Variants in SLC30A8 observed in about 807,000 individuals in gnomAD.
SLC30A8 encodes the protein proton-coupled zinc antiporter SLC30A8.
A neutral mutation model predicts 36.9 loss-of-function variants in SLC30A8; 27 were observed. The observed-to-expected ratio is 0.73, with a 90% CI of 0.54 to 1.01. SLC30A8 has a LOEUF of 1.01. SLC30A8 is among the 50% of genes least tolerant of loss of function. SLC30A8 has a pLI of 0.00. For synonymous variants in SLC30A8, 164 were observed against 172.4 expected, an observed-to-expected ratio of 0.95 and a Z score of 0.38; for missense variants, 439 against 452.0, an observed-to-expected ratio of 0.97 and a Z score of 0.26.
At chr8:116,980,764 CT>C (rs1219984039) in intron 1 of SLC30A8, among the ~76,000 whole-genome samples, 2 of 152,178 alleles carry the variant, frequency 1.3e-5, no homozygotes, top group Non-Finnish European at 2.9e-5. Flanking sequence ...CTACCATCAC[CT>C]TTAGGTGATT....
chr8:117,154,338 T>G (rs950408467), intron 3 of SLC30A8, among the ~76,000 whole-genome samples: 9 of 152,192 alleles, frequency 5.9e-5, no homozygotes, highest in Admixed American at 2.6e-4. Context: ...CTGAATATTT[T>G]GTGCAAATCA....
intron 1 of SLC30A8, among the ~76,000 whole-genome samples, chr8:117,012,464 A>G (rs778433906): frequency 1.9e-4 from 29 of 152,128 alleles, no homozygotes; most frequent in African/African-American, 6.7e-4. Flanking sequence ...TTGTCATGTC[A>G]TTATTACCCA....
At chr8:117,021,884 A>G (rs1816705786) in intron 1 of SLC30A8, among the ~76,000 whole-genome samples, 1 of 152,174 alleles carries the variant, frequency 6.6e-6, no homozygotes, top group African/African-American at 2.4e-5. Flanking sequence ...TTATGACGGA[A>G]GGGCTGCTGC....
chr8:117,046,898 A>G, intron 2 of SLC30A8, among the ~76,000 whole-genome samples: 1 of 152,212 alleles, frequency 6.6e-6, no homozygotes, highest in East Asian at 1.9e-4. Context: ...TAACTATCTC[A>G]GCCTCTCCTT....
chr8:117,094,793 T>C (rs1819287692), intron 2 of SLC30A8, among the ~76,000 whole-genome samples: 1 of 152,202 alleles, frequency 6.6e-6, no homozygotes, highest in African/African-American at 2.4e-5. Flanking sequence ...GTCCAGGCTG[T>C]TCATGCCATG....
chr8:117,157,373 G>A (rs557688851), intron 3 of SLC30A8, among the ~76,000 whole-genome samples: 128 of 152,220 alleles, frequency 8.4e-4, no homozygotes, highest in African/African-American at 2.9e-3. Context: ...AATCATTTTA[G>A]CACCTGTTTA....
chr8:117,027,723 A>G (rs1469321267), intron 1 of SLC30A8, among the ~76,000 whole-genome samples: 1 of 152,186 alleles, frequency 6.6e-6, no homozygotes, highest in Non-Finnish European at 1.5e-5. Flanking sequence ...TAAGAACAAG[A>G]TAATAAAATT....
intron 2 of SLC30A8, among the ~76,000 whole-genome samples, chr8:117,119,881 T>C (rs571475442): frequency 1.3e-5 from 2 of 151,784 alleles, no homozygotes; most frequent in Non-Finnish European, 2.9e-5. Flanking sequence ...AACAATCCCA[T>C]TTACAATAGC....
intron 2 of SLC30A8, among the ~76,000 whole-genome samples, chr8:117,069,162 AAC>A (rs1334818119): frequency 3.3e-5 from 5 of 152,208 alleles, no homozygotes; most frequent in Non-Finnish European, 7.4e-5. Context: ...CAAGAAAGTA[AAC>A]ACAAAATGAT....
At chr8:116,972,961 A>G (rs972296312) in intron 1 of SLC30A8, among the ~76,000 whole-genome samples, 4 of 152,164 alleles carry the variant, frequency 2.6e-5, no homozygotes, top group Non-Finnish European at 5.9e-5. Context: ...ATTTGTTGAA[A>G]CCATCCCCGA....
intron 2 of SLC30A8, among the ~76,000 whole-genome samples, chr8:117,084,906 C>T (rs571623993): frequency 2.6e-5 from 4 of 152,180 alleles, no homozygotes; most frequent in South Asian, 4.1e-4. Flanking sequence ...GTGTTTGACT[C>T]CTCTTCTTCC....
intron 1 of SLC30A8, among the ~76,000 whole-genome samples, chr8:117,026,063 G>A (rs2130732039): frequency 6.6e-6 from 1 of 152,292 alleles, no homozygotes; most frequent in African/African-American, 2.4e-5. Flanking sequence ...GAGATGCAGG[G>A]GGGAGAAAAG....
At chr8:117,127,529 T>C (rs1820955623) in intron 2 of SLC30A8, among the ~76,000 whole-genome samples, 1 of 152,076 alleles carries the variant, frequency 6.6e-6, no homozygotes, top group Non-Finnish European at 1.5e-5. Flanking sequence ...ATTCACCTTC[T>C]TGTGACATTT....
chr8:117,017,645 A>T (rs1455082238), intron 1 of SLC30A8, among the ~76,000 whole-genome samples: 1 of 152,226 alleles, frequency 6.6e-6, no homozygotes, highest in East Asian at 1.9e-4. Context: ...AAAGAAGCGA[A>T]TACAACAATT....
chr8:116,966,421 A>T (rs931618407), intron 1 of SLC30A8, among the ~76,000 whole-genome samples: 3 of 152,002 alleles, frequency 2.0e-5, no homozygotes, highest in African/African-American at 7.3e-5. Context: ...TGAGAATTGG[A>T]GTTTCTGGCA....
intron 1 of SLC30A8, among the ~76,000 whole-genome samples, chr8:117,014,869 T>C (rs1057446695): frequency 6.6e-6 from 1 of 152,182 alleles, no homozygotes; most frequent in Non-Finnish European, 1.5e-5. Context: ...CTTCTGTCTC[T>C]CTGGCTGATG....
chr8:117,136,519 A>G (rs1026248116), intron 1 of SLC30A8, among the ~76,000 whole-genome samples: 5 of 151,978 alleles, frequency 3.3e-5, no homozygotes, highest in Non-Finnish European at 7.4e-5. Flanking sequence ...GGGAGCATCA[A>G]ATATTTTAGT....
chr8:117,011,450 C>T (rs1449287267), intron 1 of SLC30A8, among the ~76,000 whole-genome samples: 3 of 152,174 alleles, frequency 2.0e-5, no homozygotes, highest in African/African-American at 7.2e-5. Flanking sequence ...GGTAAACTTG[C>T]AATGGAGTAG....
intron 1 of SLC30A8, among the ~76,000 whole-genome samples, chr8:116,977,949 G>A (rs575788749): frequency 6.6e-6 from 1 of 151,910 alleles, no homozygotes; most frequent in Non-Finnish European, 1.5e-5. Context: ...TCCCATGAAC[G>A]TTCCTTTTCT....
Sources: allele counts gnomAD v4.1 joint callset (sites outside exome capture counted in the v4.1 genomes callset), GRCh38; gene constraint gnomAD v4.1.1; transcripts MANE v1.5; gene names NCBI Gene and HGNC (gene_info 2026-07-23, HGNC 2026-07-21).